USP2: variants seen among roughly 807,000 people sequenced by gnomAD.
USP2 encodes ubiquitin specific peptidase 2.
Under a neutral mutation model 72.0 loss-of-function variants are expected in USP2, and 33 were observed. That is an observed-to-expected ratio of 0.46 (90% CI 0.35 to 0.61). The LOEUF (loss-of-function observed/expected upper bound fraction) is 0.61. USP2 is among the 20% of genes least tolerant of loss of function. The pLI, the probability that USP2 is intolerant of heterozygous loss-of-function variation, is 0.01. For synonymous variants in USP2, 296 were observed against 312.5 expected (o/e 0.95, Z 0.56); for missense variants, 691 against 797.8 (o/e 0.87, Z 1.61).
At chr11:119,379,082 A>T (rs901604896) in intron 1 of USP2, 4 of 985,564 alleles carry the variant, frequency 4.1e-6, no homozygotes, top group Non-Finnish European at 4.8e-6. Context: ...TGGAAAGCCC[A>T]GAAGCTGGAG....
At chr11:119,375,076 C>G (rs1950983265) in intron 1 of USP2, among the ~76,000 whole-genome samples, 1 of 152,240 alleles carries the variant, frequency 6.6e-6, no homozygotes. Context: ...CCAGCCTGGC[C>G]AGCCTCTGGC....
intron 1 of USP2, among the ~76,000 whole-genome samples, chr11:119,375,035 G>A (rs1950983096): frequency 6.6e-6 from 1 of 152,218 alleles, no homozygotes; most frequent in Non-Finnish European, 1.5e-5. Context: ...GCCCTCTGAA[G>A]GTCTGTGATA....
At chr11:119,372,641 A>G in intron 2 of USP2, 66 bp downstream of exon 2, 2 of 1,457,696 alleles carry the variant, frequency 1.4e-6, no homozygotes, top group Non-Finnish European at 1.8e-6. Context: ...TCGAGCCCTC[A>G]GCCTGGCTGT....
intron 1 of USP2, among the ~76,000 whole-genome samples, chr11:119,380,047 T>TGAGTAG (rs1951043080): frequency 6.6e-6 from 1 of 150,986 alleles, no homozygotes; most frequent in African/African-American, 2.4e-5. Context: ...CCCGAGTAGC[T>TGAGTAG]GGGACTACAG....
chr11:119,361,314 G>A (rs1173992769), intron 2 of USP2, among the ~76,000 whole-genome samples: 5 of 152,204 alleles, frequency 3.3e-5, no homozygotes, highest in African/African-American at 7.2e-5. Flanking sequence ...GTGCTGGATC[G>A]AGGACTCTGA....
At chr11:119,378,969 C>T (rs1169706632) in intron 1 of USP2, 1 of 985,038 alleles carries the variant, frequency 1.0e-6, no homozygotes, top group Non-Finnish European at 1.2e-6. Flanking sequence ...TAGGTAGAGT[C>T]CCAGAGAAGC....
Position 119,373,022 on chromosome 11 carries a change from G to C in USP2, c.459C>G (p.Leu153=). Residue 153 remains leucine, a synonymous_variant, in exon 2 of 13, where the codon CTC becomes CTG. Coordinates refer to ENST00000260187, the MANE Select transcript of USP2 (RefSeq NM_004205.5). ...QSDLARDFSS[L]RTSDSYRIDP... is the part of the protein sequence containing the mutation. ...CTATCCGGTAGCTATCTGAGGTCCG[G>C]AGGCTGGAGAAATCCCGGGCCAGGT... 1.2e-6 allele frequency: 2 copies of C among 1,613,860 alleles called. No individual in the cohort carries two copies. Among genetic ancestry groups the C allele is most frequent in the Non-Finnish European group, 1.7e-6 (2 of 1,180,026 alleles).
Position 119,356,754 on chromosome 11 carries a change from T to G in USP2, c.*81A>C. ...TCTTGTCAGGTTTGTGTGTTGTTGT[T>G]GTTGTTTTGTTTTTGTCTTTTTAAA... On this transcript the variant is annotated 3_prime_UTR_variant, in exon 13 of 13. Transcript: ENST00000260187. 7.7e-7 allele frequency: 1 copy of G among 1,303,410 alleles called. No individual in the cohort carries two copies. The allele number at this position is 1,303,410 out of a possible 1,614,324, so 80.7% of individuals were successfully genotyped here.
chr11:119,375,516 G>T (rs573735803), intron 1 of USP2, among the ~76,000 whole-genome samples: 1 of 152,312 alleles, frequency 6.6e-6, no homozygotes, highest in East Asian at 1.9e-4. Context: ...GGTAACTGGG[G>T]GATGATGTCA....
chr11:119,358,080 C>T lies in USP2; in HGVS notation c.1342-19G>A. The T allele has an allele frequency of 6.2e-7, 1 of 1,614,148 alleles. No individual in the cohort carries two copies. The highest frequency in any genetic ancestry group is 1.1e-5 in the South Asian group (1 of 91,088). On this transcript the variant is annotated intron_variant, in intron 8 of 12. Coordinates refer to ENST00000260187, the MANE Select transcript of USP2 (RefSeq NM_004205.5). Reference sequence around the variant, plus strand: ...AACCTCGCTGGGAAGGGGAAAAAAGCAAAGGTCAGAGGTCAACATGAAAGG... The same window carrying T: ...AACCTCGCTGGGAAGGGGAAAAAAGTAAAGGTCAGAGGTCAACATGAAAGG...
At chr11:119,363,028 TTG>T (rs1305779389) in intron 2 of USP2, among the ~76,000 whole-genome samples, 2 of 152,318 alleles carry the variant, frequency 1.3e-5, no homozygotes, top group Admixed American at 6.5e-5. Context: ...AGGCCGAGGT[TTG>T]TGTCTTCACA....
chr11:119,375,428 C>T (rs1388530286), intron 1 of USP2, among the ~76,000 whole-genome samples: 1 of 152,210 alleles, frequency 6.6e-6, no homozygotes, highest in Non-Finnish European at 1.5e-5. Context: ...TGCCACCTGG[C>T]CCAGGGGGCC....
chr11:119,381,626 G>A lies in USP2; in HGVS notation c.-195C>T. ...GCCTGACTCTCTCCCACCTCCGCCG[G>A]GGGCCCAGAAGGGACCTCCCCGGGA... is the stretch of plus-strand genomic sequence containing the variant. On this transcript the variant is annotated 5_prime_UTR_variant, in exon 1 of 13. Transcript: ENST00000260187. The A allele has an allele frequency of 7.0e-7, 1 of 1,435,376 alleles. No homozygotes were observed. The highest frequency in any genetic ancestry group is 1.4e-5 in the African/African-American group (1 of 71,002). The allele number at this position is 1,435,376 out of a possible 1,614,324, so 88.9% of individuals were successfully genotyped here.
Position 119,381,558 on chromosome 11 carries a change from G to T in USP2, c.-127C>A. 1.3e-6 allele frequency: 2 copies of T among 1,535,718 alleles called. No individual in the cohort carries two copies. The highest frequency in any genetic ancestry group is 1.7e-6 in the Non-Finnish European group (2 of 1,146,554). Reference sequence around the variant, plus strand: ...TCCCGGCTGGCGCTGGCGCGGCGCAGTGAGCACCAGCTGACGAAGAGGGCT... The same window carrying T: ...TCCCGGCTGGCGCTGGCGCGGCGCATTGAGCACCAGCTGACGAAGAGGGCT... On this transcript the variant is annotated 5_prime_UTR_variant, in exon 1 of 13. The change creates a new upstream start codon in the 5' untranslated region. Transcript: ENST00000260187.
chr11:119,376,273 G>A (rs1950999703), intron 1 of USP2: 4 of 985,532 alleles, frequency 4.1e-6, no homozygotes, highest in South Asian at 4.7e-5. Flanking sequence ...GCAGGAGAGC[G>A]GGCTGGGGCC....
At chr11:119,380,760 CAA>C (rs1255059394) in intron 1 of USP2, 2 of 157,044 alleles carry the variant, frequency 1.3e-5, no homozygotes, top group Non-Finnish European at 2.8e-5. Context: ...GACCTTAGCC[CAA>C]TCAGCTCTCC....
chr11:119,364,204 C>T lies in USP2; in HGVS notation c.775-3970G>A, dbSNP rs565027344. The T allele has an allele frequency of 5.3e-3, 6,094 of 1,148,562 alleles. 22 individuals carry two copies. Among genetic ancestry groups the T allele is most frequent in the Middle Eastern group, 6.8e-3 (19 of 2,778 alleles). The allele number at this position is 1,148,562 out of a possible 1,614,324, so 71.1% of individuals were successfully genotyped here. A position where few individuals can be genotyped will look rare whatever the true frequency, so the allele number is the denominator to read the frequency against. On this transcript the variant is annotated intron_variant, in intron 2 of 12. Transcript: ENST00000260187. ...CGGGTCCCGGCTCTCGCGCTCCGGC[C>T]GACTGGCGGCCCCGCCGGCGCCTCG...
At chr11:119,358,900 A>G in intron 6 of USP2, 63 bp from the exon 7 acceptor site, 2 of 1,597,860 alleles carry the variant, frequency 1.3e-6, no homozygotes, top group Non-Finnish European at 1.7e-6. Flanking sequence ...AGGGTCTGTC[A>G]ATTTTGATCC....
In USP2 at chr11:119,364,201, G is replaced by C. The variant is rs879504773; in HGVS notation, c.775-3967C>G. On this transcript the variant is annotated intron_variant, in intron 2 of 12. Transcript: ENST00000260187. ...GCCCGGGTCCCGGCTCTCGCGCTCCGGCCGACTGGCGGCCCCGCCGGCGCC... is the reference window on the plus strand; with the variant it reads ...GCCCGGGTCCCGGCTCTCGCGCTCCCGCCGACTGGCGGCCCCGCCGGCGCC... The C allele has an allele frequency of 5.2e-6, 6 of 1,153,264 alleles. 1 individual carries two copies. Among genetic ancestry groups the C allele is most frequent in the African/African-American group, 3.2e-5 (2 of 61,654 alleles). 71.4% of individuals were successfully genotyped at this position (1,153,264 alleles called of 1,614,324 possible).
Sources: allele counts gnomAD v4.1 joint callset (sites outside exome capture counted in the v4.1 genomes callset), GRCh38; gene constraint gnomAD v4.1.1; transcripts MANE v1.5; gene names NCBI Gene and HGNC (gene_info 2026-07-23, HGNC 2026-07-21).